The following CCSER1 variants were observed in gnomAD, a reference collection of about 807,000 sequenced individuals.
The protein encoded by CCSER1 is coiled-coil serine rich protein 1.
Under a neutral mutation model 82.0 loss-of-function variants are expected in CCSER1, and 41 were observed. That is an observed-to-expected ratio of 0.50 (90% CI 0.39 to 0.65). The LOEUF is 0.65. Among genes scored for constraint, CCSER1 ranks in the 30% least tolerant of loss-of-function variants. The pLI is 0.00. For synonymous variants in CCSER1, 414 were observed against 383.9 expected, an observed-to-expected ratio of 1.08 and a Z score of -0.92; for missense variants, 1,119 against 1,064.2, an observed-to-expected ratio of 1.05 and a Z score of -0.72.
intron 3 of CCSER1, among the ~76,000 whole-genome samples, chr4:90,389,295 A>G (rs920665968): frequency 6.6e-6 from 1 of 152,226 alleles, no homozygotes; most frequent in Non-Finnish European, 1.5e-5. Context: ...TAGGGAAAAA[A>G]AGCAAGCATT....
chr4:91,018,877 C>G (rs926171077), intron 9 of CCSER1, among the ~76,000 whole-genome samples: 1 of 152,088 alleles, frequency 6.6e-6, no homozygotes, highest in Admixed American at 6.5e-5. Context: ...GGATGTCCCA[C>G]TTTGCATTCT....
intron 1 of CCSER1, among the ~76,000 whole-genome samples, chr4:90,180,612 C>T (rs1733566934): frequency 6.6e-6 from 1 of 151,900 alleles, no homozygotes; most frequent in Non-Finnish European, 1.5e-5. Context: ...TTGTTTATCT[C>T]CTGTCTAAAA....
At chr4:90,772,152 A>G (rs190285712) in intron 7 of CCSER1, among the ~76,000 whole-genome samples, 1 of 152,288 alleles carries the variant, frequency 6.6e-6, no homozygotes, top group Non-Finnish European at 1.5e-5. Context: ...TATACATAAG[A>G]TATCAAATTA....
rs188622247 is a variant in CCSER1, at chr4:90,434,390, A to G, written c.1604-33844A>G. On this transcript the variant is annotated intron_variant, in intron 4 of 10. Transcript: ENST00000509176. The stretch of plus-strand genomic sequence containing the variant: ...GAATTTTTAACCCTTTTCTACCTGT[A>G]TGTATTCTTAGACATAGGGAAATGT... Among the ~76,000 whole-genome samples the G allele has an allele frequency of 3.9e-5, 6 of 152,262 alleles. No homozygotes were observed. In the South Asian group the frequency reaches 8.3e-4, roughly 21 times the overall value.
chr4:90,382,054 T>C (rs1252826644), intron 3 of CCSER1, among the ~76,000 whole-genome samples: 2 of 152,044 alleles, frequency 1.3e-5, no homozygotes, highest in East Asian at 3.9e-4. Context: ...GGAAACAATA[T>C]TTCAATTTTG....
intron 10 of CCSER1, among the ~76,000 whole-genome samples, chr4:91,219,162 A>G (rs1331093266): frequency 2.0e-5 from 3 of 152,148 alleles, no homozygotes; most frequent in African/African-American, 7.2e-5. Flanking sequence ...AATTTATTCT[A>G]ATCATTCCTC....
intron 1 of CCSER1, among the ~76,000 whole-genome samples, chr4:90,263,343 G>C (rs1344891244): frequency 2.0e-5 from 3 of 152,180 alleles, no homozygotes; most frequent in Admixed American, 6.5e-5. Flanking sequence ...CAAAGAATCC[G>C]GCTATGTGAA....
At chr4:90,895,502 T>C (rs973325289) in intron 8 of CCSER1, among the ~76,000 whole-genome samples, 1 of 151,930 alleles carries the variant, frequency 6.6e-6, no homozygotes, top group African/African-American at 2.4e-5. Flanking sequence ...CTTAAGCACC[T>C]CTTTCAAAAA....
chr4:91,477,336 T>TA (rs1199405674), intron 10 of CCSER1, among the ~76,000 whole-genome samples: 1 of 151,802 alleles, frequency 6.6e-6, no homozygotes, highest in Non-Finnish European at 1.5e-5. Flanking sequence ...CTTCTGAAGA[T>TA]ACTAAAGTTT....
chr4:91,191,486 A>G (rs1734991691), intron 10 of CCSER1, among the ~76,000 whole-genome samples: 1 of 152,172 alleles, frequency 6.6e-6, no homozygotes, highest in Admixed American at 6.5e-5. Context: ...TTGATAAGTG[A>G]TGCTCTATGT....
chr4:90,387,343 G>C (rs1750217604), intron 3 of CCSER1, among the ~76,000 whole-genome samples: 1 of 151,868 alleles, frequency 6.6e-6, no homozygotes, highest in Admixed American at 6.6e-5. Context: ...ATTTAAATAA[G>C]GCTAGATTAG....
At chr4:90,554,123 G>A (rs1777844803) in intron 5 of CCSER1, among the ~76,000 whole-genome samples, 1 of 152,174 alleles carries the variant, frequency 6.6e-6, no homozygotes, top group Non-Finnish European at 1.5e-5. Context: ...CACTTTGGTA[G>A]GCAGAAGTGG....
At chr4:91,078,478 C>T (rs1051512242) in intron 9 of CCSER1, among the ~76,000 whole-genome samples, 1 of 152,168 alleles carries the variant, frequency 6.6e-6, no homozygotes, top group African/African-American at 2.4e-5. Flanking sequence ...TGTGGAGAAA[C>T]CAGAGCAGAA....
intron 4 of CCSER1, among the ~76,000 whole-genome samples, chr4:90,435,055 A>T (rs867064163): frequency 6.6e-6 from 1 of 152,172 alleles, no homozygotes; most frequent in Non-Finnish European, 1.5e-5. Flanking sequence ...TAATACAAGC[A>T]AAAGTAATTT....
At chr4:90,557,809 T>C (rs1398967694) in intron 5 of CCSER1, among the ~76,000 whole-genome samples, 2 of 152,170 alleles carry the variant, frequency 1.3e-5, no homozygotes, top group African/African-American at 4.8e-5. Context: ...AAGTTTCTCA[T>C]ATTACATGTG....
chr4:90,524,198 T>A (rs1237645796), intron 5 of CCSER1, among the ~76,000 whole-genome samples: 1 of 152,222 alleles, frequency 6.6e-6, no homozygotes, highest in Non-Finnish European at 1.5e-5. Context: ...TCTTACTTTA[T>A]AAAGATACCT....
chr4:90,332,184 G>A (rs912177317), intron 3 of CCSER1, among the ~76,000 whole-genome samples: 6 of 151,746 alleles, frequency 4.0e-5, no homozygotes, highest in Non-Finnish European at 8.8e-5. Context: ...TATAGAACGA[G>A]CATCACTTTA....
intron 10 of CCSER1, among the ~76,000 whole-genome samples, chr4:91,515,278 ATTGGTGT>A (rs1760044436): frequency 6.6e-6 from 1 of 151,822 alleles, no homozygotes; most frequent in African/African-American, 2.4e-5. Context: ...GTCATGGGGG[ATTGGTGT>A]ACAGACTGTC....
At chr4:91,594,348 T>TATAC (rs200760180) in intron 10 of CCSER1, among the ~76,000 whole-genome samples, 2,078 of 146,648 alleles carry the variant, frequency 0.014, 57 homozygotes, top group African/African-American at 0.049. Context: ...TATATATACA[T>TATAC]ATATATACAC....
Sources: gnomAD v4.1 joint callset for allele counts (sites outside exome capture counted in the v4.1 genomes callset) on GRCh38, gnomAD v4.1.1 for gene constraint, MANE v1.5 for transcripts, NCBI Gene and HGNC (gene_info 2026-07-23, HGNC 2026-07-21) for gene names.